Variants in IQCK observed in about 807,000 individuals in gnomAD.
The protein encoded by IQCK is IQ motif containing K.
IQCK carries 29 observed loss-of-function variants against 28.1 expected under a neutral mutation model. The ratio of observed to expected loss-of-function variants is 1.03; its 90% CI spans 0.77 to 1.41. The LOEUF is 1.41. Ranked by LOEUF, IQCK falls within the 40% of genes most tolerant of loss-of-function variation. The probability of loss-of-function intolerance (pLI) is 0.00; values close to 1 mark genes in which losing one functional copy is unlikely to be tolerated. For missense variants in IQCK, 359 were observed against 314.7 expected (o/e 1.14, Z -1.07); for synonymous variants, 113 against 115.1 (o/e 0.98, Z 0.12).
At chr16:19,798,538 G>C (rs1416396449) in intron 7 of IQCK, among the ~76,000 whole-genome samples, 1 of 67,578 alleles carries the variant, frequency 1.5e-5, no homozygotes, top group Non-Finnish European at 2.2e-5. Flanking sequence ...GAGGATATTG[G>C]CACAAAATGA....
At chr16:19,775,980 C>G (rs2055388666) in intron 6 of IQCK, among the ~76,000 whole-genome samples, 1 of 138,142 alleles carries the variant, frequency 7.2e-6, no homozygotes, top group Admixed American at 8.2e-5. Flanking sequence ...CTCCCCATTT[C>G]AAGCCATTCT....
intron 4 of IQCK, among the ~76,000 whole-genome samples, chr16:19,750,919 A>G (rs2054978068): frequency 1.3e-5 from 2 of 152,150 alleles, no homozygotes; most frequent in South Asian, 4.1e-4. Flanking sequence ...GGGACTGGCC[A>G]TTTAGGGGGA....
intron 4 of IQCK, among the ~76,000 whole-genome samples, chr16:19,757,974 C>G (rs2055075780): frequency 6.6e-6 from 1 of 152,090 alleles, no homozygotes; most frequent in Non-Finnish European, 1.5e-5. Context: ...ATGCCTTAAC[C>G]CTTGACACCT....
rs560311228 is a variant in IQCK at position 19,733,780 on chromosome 16, G to T, written c.329G>T (p.Arg110Leu). Residue 110 changes from arginine (R) to leucine (L), a missense_variant, in exon 3 of 8, where the codon CGT becomes CTT. Arg to Leu is a moderately radical substitution (Grantham distance 102, BLOSUM62 -2). Coordinates refer to ENST00000564186, the Ensembl canonical transcript of IQCK. ...GTTTCCCATTTCACCATGATCTCAC[G>T]TACACCCTGTCCTCAAGATAAATCG... is the stretch of plus-strand genomic sequence containing the variant. 20 of 1,613,858 alleles carry T rather than the reference G, an allele frequency of 1.2e-5. No homozygotes were observed. Among genetic ancestry groups the T allele is most frequent in the Middle Eastern group, 3.3e-4 (2 of 6,084 alleles).
intron 4 of IQCK, among the ~76,000 whole-genome samples, chr16:19,743,723 G>A (rs1378683252): frequency 6.6e-6 from 1 of 152,198 alleles, no homozygotes; most frequent in East Asian, 1.9e-4. Flanking sequence ...TTTGACCACT[G>A]CTCCACTCTG....
At chr16:19,820,422 G>T (rs1302129596) in intron 7 of IQCK, among the ~76,000 whole-genome samples, 1 of 152,106 alleles carries the variant, frequency 6.6e-6, no homozygotes, top group African/African-American at 2.4e-5. Flanking sequence ...GGCCGAGGCG[G>T]GTGGATCATG....
chr16:19,765,230 A>G (rs1461991768), intron 6 of IQCK, among the ~76,000 whole-genome samples: 3 of 150,134 alleles, frequency 2.0e-5, no homozygotes, highest in African/African-American at 7.3e-5. Flanking sequence ...TCAAAAAAAA[A>G]AAAAAAAAAA....
At chr16:19,805,329 C>G (rs1321683417) in intron 7 of IQCK, among the ~76,000 whole-genome samples, 1 of 152,126 alleles carries the variant, frequency 6.6e-6, no homozygotes, top group African/African-American at 2.4e-5. Context: ...ATTTTTTGAT[C>G]CTTTGCAATT....
At chr16:19,726,150 G>A (rs980771371) in intron 1 of IQCK, among the ~76,000 whole-genome samples, 7 of 151,644 alleles carry the variant, frequency 4.6e-5, no homozygotes, top group Non-Finnish European at 1.0e-4. Flanking sequence ...TCCTGACCTC[G>A]TGATCCGCCC....
intron 6 of IQCK, among the ~76,000 whole-genome samples, chr16:19,767,547 C>T (rs940501024): frequency 6.6e-6 from 1 of 152,048 alleles, no homozygotes; most frequent in Admixed American, 6.6e-5. Context: ...TGCTGGTGTG[C>T]TCCTCTCAAC....
At chr16:19,739,687 T>C (rs928501073) in intron 4 of IQCK, among the ~76,000 whole-genome samples, 17 of 152,130 alleles carry the variant, frequency 1.1e-4, no homozygotes, top group Admixed American at 7.9e-4. Flanking sequence ...TGGTGGCACA[T>C]GCCTGTGGTT....
At chr16:19,719,231 AAC>A (rs1491201581) in intron 1 of IQCK, among the ~76,000 whole-genome samples, 1 of 152,136 alleles carries the variant, frequency 6.6e-6, no homozygotes, top group African/African-American at 2.4e-5. Context: ...GGGAAAAAAA[AAC>A]ACAAACTGCT....
At chr16:19,771,242 C>T (rs2055316040) in intron 6 of IQCK, among the ~76,000 whole-genome samples, 2 of 152,124 alleles carry the variant, frequency 1.3e-5, no homozygotes, top group Admixed American at 1.3e-4. Flanking sequence ...CAGGTGCATG[C>T]CATCACGGCC....
intron 4 of IQCK, among the ~76,000 whole-genome samples, chr16:19,744,380 C>T (rs1277971920): frequency 6.6e-6 from 1 of 152,154 alleles, no homozygotes; most frequent in African/African-American, 2.4e-5. Flanking sequence ...GTCCTCCTGC[C>T]TTGGTTTCCC....
intron 4 of IQCK, among the ~76,000 whole-genome samples, chr16:19,758,277 G>C (rs1006793560): frequency 5.3e-5 from 8 of 152,104 alleles, no homozygotes; most frequent in Non-Finnish European, 1.0e-4. Flanking sequence ...CTAAACAACA[G>C]CTGAACAATA....
chr16:19,853,693 A>G (rs1246311033), intron 9 of IQCK, among the ~76,000 whole-genome samples: 2 of 152,026 alleles, frequency 1.3e-5, no homozygotes, highest in African/African-American at 4.8e-5. Context: ...GTGCAGTAAC[A>G]CGATCTTGGC....
intron 6 of IQCK, chr16:19,764,336 A>T (rs1472475991): frequency 2.8e-6 from 1 of 351,670 alleles, no homozygotes; most frequent in East Asian, 4.4e-5. Flanking sequence ...TAGAAAACTT[A>T]AAAAAAAAAT....
chr16:19,718,539 G>C, intron 1 of IQCK, 52 bp downstream of exon 1: 1 of 1,473,904 alleles, frequency 6.8e-7, no homozygotes, highest in Non-Finnish European at 9.0e-7. Context: ...GCCGGACGGG[G>C]GCCGCGTTTG....
At chr16:19,858,294 C>G (rs1043246174) in exon 10 of IQCK, 1 of 427,728 alleles carries the variant, frequency 2.3e-6, no homozygotes, top group Non-Finnish European at 4.1e-6. Flanking sequence ...AAACAAAACC[C>G]TAAGTGCGAT....
Sources: gnomAD v4.1 joint callset for allele counts (sites outside exome capture counted in the v4.1 genomes callset) on GRCh38, gnomAD v4.1.1 for gene constraint, MANE v1.5 for transcripts, NCBI Gene and HGNC (gene_info 2026-07-23, HGNC 2026-07-21) for gene names.